Variants in EPHA5 observed in about 807,000 individuals in gnomAD.
EPHA5 encodes EPH receptor A5.
EPHA5 carries 60 observed loss-of-function variants against 105.0 expected under a neutral mutation model. The observed-to-expected ratio is 0.57, with a 90% CI of 0.46 to 0.71. The LOEUF (loss-of-function observed/expected upper bound fraction) is 0.71. Ranked by LOEUF, EPHA5 falls within the 30% of genes least tolerant of loss-of-function variation. The pLI is 0.00. For synonymous variants in EPHA5, 513 were observed against 449.1 expected, an observed-to-expected ratio of 1.14 and a Z score of -1.80; for missense variants, 1,218 against 1,274.7, an observed-to-expected ratio of 0.96 and a Z score of 0.68.
In EPHA5 at chr4:65,612,036, A is replaced by AGG. The variant is rs1560772449; in HGVS notation, c.247-9733_247-9732insCC. The stretch of plus-strand genomic sequence containing the variant: ...TCTCTCAAAAAAAAAAAAAAAAAAA[A>AGG]AAAGGAAAGAAAAGAAAAGAAAAGA... On this transcript the variant is annotated intron_variant, in intron 2 of 16. Coordinates refer to ENST00000613740, the MANE Select transcript of EPHA5 (RefSeq NM_001281766.3). Among the ~76,000 whole-genome samples, 5 of 126,500 alleles carry AGG rather than the reference A, an allele frequency of 4.0e-5. No homozygotes were observed. In the East Asian group the frequency reaches 7.9e-4, roughly 20 times the overall value. The allele number at this position is 126,500 out of a possible 152,430, so 83.0% of individuals were successfully genotyped here.
chr4:65,382,112 C>T (rs1577969695), intron 8 of EPHA5, among the ~76,000 whole-genome samples: 1 of 151,692 alleles, frequency 6.6e-6, no homozygotes, highest in East Asian at 1.9e-4. Flanking sequence ...TGCGGCCATT[C>T]ATCTTAAGGA....
chr4:65,365,180 A>G lies in EPHA5; in HGVS notation c.2010T>C (p.Ser670=). The change falls in exon 11 of 17, where the codon AGT becomes AGC. Residue 670 remains serine (S), a synonymous_variant. Transcript: ENST00000613740. ...TTTTTCCTGGTAGTTTCAAACGTCC[A>G]CTACAAACTTCACCAAATTCACCTT... ...IGAGEFGEVC[S]GRLKLPGKRE... is the part of the protein sequence containing the mutation. 3 of 1,609,760 alleles carry G rather than the reference A, an allele frequency of 1.9e-6. No homozygotes were observed. Among genetic ancestry groups the G allele is most frequent in the Non-Finnish European group, 2.5e-6 (3 of 1,177,616 alleles).
chr4:65,354,228 A>C (rs577775265), intron 11 of EPHA5, among the ~76,000 whole-genome samples: 30 of 151,940 alleles, frequency 2.0e-4, no homozygotes, highest in Non-Finnish European at 2.7e-4. Flanking sequence ...TTAAAAATAC[A>C]TTTGATCAAC....
rs1719781648 is a variant in EPHA5 at position 65,323,286 on chromosome 4, A to G, written c.*828T>C. ...GTTTTACTGCTTCCCTATTTCTCCT[A>G]TTCATATTACATTCTGGAACACTTG... is the stretch of plus-strand genomic sequence containing the variant. On this transcript the variant is annotated 3_prime_UTR_variant, in exon 17 of 17. Coordinates refer to ENST00000613740, the MANE Select transcript of EPHA5 (RefSeq NM_001281766.3). 1 of 229,572 alleles carries G rather than the reference A, an allele frequency of 4.4e-6. No individual in the cohort carries two copies. The highest frequency in any genetic ancestry group is 8.6e-6 in the Non-Finnish European group (1 of 115,684). The allele number at this position is 229,572 out of a possible 1,614,324, so 14.2% of individuals were successfully genotyped here.
At chr4:65,562,019 G>T (rs1223883118) in intron 3 of EPHA5, among the ~76,000 whole-genome samples, 1 of 152,018 alleles carries the variant, frequency 6.6e-6, no homozygotes, top group East Asian at 1.9e-4. Context: ...AGATAACCCT[G>T]ATTATCAGAA....
At chr4:65,473,701 G>A (rs1156574702) in intron 5 of EPHA5, among the ~76,000 whole-genome samples, 1 of 150,616 alleles carries the variant, frequency 6.6e-6, no homozygotes, top group African/African-American at 2.4e-5. Flanking sequence ...TGAGATTTAT[G>A]TGGGGACACA....
chr4:65,544,734 C>A (rs1318333378), intron 3 of EPHA5, among the ~76,000 whole-genome samples: 2 of 151,724 alleles, frequency 1.3e-5, no homozygotes, highest in African/African-American at 4.8e-5. Flanking sequence ...GGGTATATAC[C>A]CAAAGGAATA....
At chr4:65,573,720 G>T (rs1740481756) in intron 3 of EPHA5, 7 of 1,600,450 alleles carry the variant, frequency 4.4e-6, no homozygotes, top group Non-Finnish European at 5.1e-6. Context: ...GAAGGAGAAG[G>T]TTCTTGCAAC....
rs144549930 is a variant in EPHA5, at chr4:65,594,133, G to A, written c.910+7508C>T. On this transcript the variant is annotated intron_variant, in intron 3 of 16. Transcript: ENST00000613740. ...CAAAAGGACTATTTTTTGGTTTCCT[G>A]GAACATTTAAATGTTGTGAATTTTA... Among the ~76,000 whole-genome samples the A allele has an allele frequency of 8.6e-3, 1,307 of 151,950 alleles. 9 individuals are homozygous for A. Among genetic ancestry groups the A allele is most frequent in the Middle Eastern group, 0.017 (5 of 294 alleles).
intron 14 of EPHA5, among the ~76,000 whole-genome samples, chr4:65,343,083 T>C (rs1314034517): frequency 2.0e-5 from 3 of 152,172 alleles, no homozygotes; most frequent in Non-Finnish European, 4.4e-5. Flanking sequence ...GTAGAATCTA[T>C]ACAGTCATAT....
chr4:65,624,152 ATACT>A (rs1378598167), intron 2 of EPHA5, among the ~76,000 whole-genome samples: 1 of 152,144 alleles, frequency 6.6e-6, no homozygotes, highest in Non-Finnish European at 1.5e-5. Flanking sequence ...GGAAAAACCA[ATACT>A]TATTTATATT....
In EPHA5 at chr4:65,522,199, C is replaced by T. The variant is rs1389099095; in HGVS notation, c.911-26656G>A. Among the ~76,000 whole-genome samples the T allele has an allele frequency of 4.1e-4, 62 of 151,668 alleles. 1 individual carries two copies. Among genetic ancestry groups the T allele is most frequent in the Admixed American group, 4.1e-3 (62 of 15,172 alleles). On this transcript the variant is annotated intron_variant, in intron 3 of 16. Coordinates refer to ENST00000613740, the MANE Select transcript of EPHA5 (RefSeq NM_001281766.3). ...AAGGAGGCTTTGGGTCTTTTGTGTC[C>T]TAATTCCTTAAGATTACAAGATGGG...
Position 65,336,035 on chromosome 4 carries a change from T to C in EPHA5, c.2686A>G (p.Lys896Glu). ...AACTTGGGCCTGCTATTTCGCTCTT[T>C]CTGCCAGCAATCCAGCATTAACTGA... Reference protein sequence around the residue: ...LYQLMLDCWQKERNSRPKFDE... With the variant: ...LYQLMLDCWQEERNSRPKFDE... The change falls in exon 15 of 17, where the codon AAA becomes GAA. Residue 896 changes from lysine to glutamate, a missense_variant. This residue lies in a region of EPHA5 where 971 missense variants were observed against 1,013.5 expected (regional missense o/e 0.96). Coordinates refer to ENST00000613740, the MANE Select transcript of EPHA5 (RefSeq NM_001281766.3). 6.2e-7 allele frequency: 1 copy of C among 1,613,410 alleles called. No individual in the cohort carries two copies. Among genetic ancestry groups the C allele is most frequent in the East Asian group, 2.2e-5 (1 of 44,824 alleles).
At chr4:65,332,177 A>C in intron 15 of EPHA5, 49 bp from the exon 16 acceptor site, 2 of 1,444,340 alleles carry the variant, frequency 1.4e-6, no homozygotes, top group Non-Finnish European at 1.9e-6. Flanking sequence ...TAATTCTTTT[A>C]TAACAAAGTT....
At chr4:65,368,860 A>G (rs1309359061) in intron 8 of EPHA5, among the ~76,000 whole-genome samples, 1 of 152,184 alleles carries the variant, frequency 6.6e-6, no homozygotes, top group African/African-American at 2.4e-5. Context: ...AGGTTTGCAC[A>G]TATTGGTTCC....
intron 8 of EPHA5, among the ~76,000 whole-genome samples, chr4:65,393,242 T>C (rs1015797627): frequency 5.3e-5 from 8 of 152,156 alleles, no homozygotes; most frequent in African/African-American, 1.9e-4. Flanking sequence ...ACTGACCCTA[T>C]TTTCAGTTTC....
rs560520446 is a variant in EPHA5 at position 65,456,042 on chromosome 4, T to C, written c.1402+34335A>G. Among the ~76,000 whole-genome samples, 7 of 152,322 alleles carry C rather than the reference T, an allele frequency of 4.6e-5. No homozygotes were observed. In the South Asian group the frequency reaches 1.5e-3, roughly 32 times the overall value. ...CCATTCACAAGTACATTATTTTTTC[T>C]ACTTAAATGGACAGTAGAAGATCCC... On this transcript the variant is annotated intron_variant, in intron 5 of 16. Transcript: ENST00000613740.
chr4:65,502,672 A>G (rs149054614), intron 3 of EPHA5, among the ~76,000 whole-genome samples: 23 of 151,886 alleles, frequency 1.5e-4, no homozygotes, highest in East Asian at 1.2e-3. Flanking sequence ...GTTCATCACT[A>G]TGGAAAGCAG....
intron 8 of EPHA5, among the ~76,000 whole-genome samples, chr4:65,367,834 C>A (rs1306032986): frequency 6.6e-6 from 1 of 151,926 alleles, no homozygotes; most frequent in Non-Finnish European, 1.5e-5. Flanking sequence ...CATCACCCTG[C>A]ACAATAGATT....
Sources: allele counts gnomAD v4.1 joint callset (sites outside exome capture counted in the v4.1 genomes callset), GRCh38; gene constraint gnomAD v4.1.1; regional missense constraint gnomAD v4.1.1; transcripts MANE v1.5; gene names NCBI Gene and HGNC (gene_info 2026-07-23, HGNC 2026-07-21).